The following FBN2 variants were observed in gnomAD, a reference collection of about 807,000 sequenced individuals.
FBN2 encodes fibrillin 2.
FBN2 carries 105 observed loss-of-function variants against 355.6 expected under a neutral mutation model. That is an observed-to-expected ratio of 0.30 (90% CI 0.25 to 0.35). The LOEUF (loss-of-function observed/expected upper bound fraction) is 0.35. Ranked by LOEUF, FBN2 falls within the 10% of genes least tolerant of loss-of-function variation. FBN2 has a pLI of 1.00. For missense variants in FBN2, 3,280 were observed against 3,758.7 expected (o/e 0.87, Z 3.33); for synonymous variants, 1,350 against 1,301.2 (o/e 1.04, Z -0.81).
At chr5:128,523,007 C>A (rs1339733373) in intron 4 of FBN2, among the ~76,000 whole-genome samples, 1 of 152,136 alleles carries the variant, frequency 6.6e-6, no homozygotes, top group Non-Finnish European at 1.5e-5. Flanking sequence ...GGGTTGGTTG[C>A]ATACTGTAAA....
intron 50 of FBN2, 66 bp from the exon 51 acceptor site, chr5:128,290,013 A>G: frequency 1.1e-6 from 1 of 873,850 alleles, no homozygotes; most frequent in Non-Finnish European, 2.0e-6. Flanking sequence ...TTAAGAAAGG[A>G]TGAACAATAT....
intron 19 of FBN2, among the ~76,000 whole-genome samples, 169 bp from the exon 20 acceptor site, chr5:128,357,564 C>T (rs531503310): frequency 5.3e-5 from 8 of 152,276 alleles, no homozygotes; most frequent in Non-Finnish European, 8.8e-5. Context: ...CATTTTACAT[C>T]GTGGATACAC....
chr5:128,274,105 A>G, intron 60 of FBN2, 137 bp from the exon 61 acceptor site: 1 of 909,752 alleles, frequency 1.1e-6, no homozygotes, highest in African/African-American at 1.6e-5. Context: ...TTTATACCAA[A>G]ATTCACTGTC....
intron 45 of FBN2, 42 bp from the exon 46 acceptor site, chr5:128,303,131 GA>G (rs761624349): frequency 7.8e-6 from 9 of 1,153,072 alleles, no homozygotes; most frequent in African/African-American, 4.5e-5. Flanking sequence ...TTTTTAACTA[GA>G]AAAAAATGGG....
chr5:128,450,474 A>T (rs1258187709), intron 6 of FBN2, among the ~76,000 whole-genome samples: 1 of 152,132 alleles, frequency 6.6e-6, no homozygotes, highest in East Asian at 1.9e-4. Flanking sequence ...GAGAAATAGA[A>T]CATATTTTGA....
intron 5 of FBN2, among the ~76,000 whole-genome samples, chr5:128,484,588 A>G (rs1372896156): frequency 6.6e-6 from 1 of 152,230 alleles, no homozygotes; most frequent in Non-Finnish European, 1.5e-5. Flanking sequence ...AACAAAATTA[A>G]AACAACAATG....
chr5:128,279,565 T>A (rs1241546456), intron 56 of FBN2, among the ~76,000 whole-genome samples: 5 of 152,100 alleles, frequency 3.3e-5, no homozygotes, highest in Non-Finnish European at 7.4e-5. Context: ...GAAAAAAATG[T>A]GATATAGTTG....
rs1020058794 is a variant in FBN2, at chr5:128,426,263, C to T, written c.953-17464G>A. Among the ~76,000 whole-genome samples, 7 of 152,310 alleles carry T rather than the reference C, an allele frequency of 4.6e-5. No individual in the cohort carries two copies. The East Asian group carries it at 7.7e-4, about 17-fold the overall frequency. On this transcript the variant is annotated intron_variant, in intron 7 of 64. Transcript: ENST00000262464. ...TACACATCTGGACAATTCTCAAGTG[C>T]GCCCACACACTTCAGAGATCTTGAC...
At chr5:128,423,809 G>A (rs1330177401) in intron 7 of FBN2, among the ~76,000 whole-genome samples, 2 of 152,156 alleles carry the variant, frequency 1.3e-5, no homozygotes, top group Non-Finnish European at 1.5e-5. Flanking sequence ...AAGGATTGCA[G>A]TGGAACATGT....
chr5:128,454,900 T>A (rs775778199), intron 6 of FBN2, among the ~76,000 whole-genome samples: 1 of 152,230 alleles, frequency 6.6e-6, no homozygotes, highest in Non-Finnish European at 1.5e-5. Context: ...AAGCAAGAGA[T>A]GAAATTTCAC....
intron 55 of FBN2, among the ~76,000 whole-genome samples, chr5:128,285,116 T>A (rs1210585260): frequency 6.6e-6 from 1 of 152,224 alleles, no homozygotes; most frequent in African/African-American, 2.4e-5. Flanking sequence ...GTTTATGGTT[T>A]TCATTAAAGA....
intron 2 of FBN2, among the ~76,000 whole-genome samples, chr5:128,534,960 G>C (rs1290321618): frequency 6.6e-6 from 1 of 152,166 alleles, no homozygotes; most frequent in Non-Finnish European, 1.5e-5. Context: ...GATGAGTGAC[G>C]TTAGCTGTTT....
intron 5 of FBN2, among the ~76,000 whole-genome samples, chr5:128,505,700 T>C (rs56294855): frequency 0.025 from 3,680 of 145,286 alleles, 160 homozygotes; most frequent in African/African-American, 0.096. Context: ...TCTAGAATTA[T>C]ATAAAAATAA....
chr5:128,370,091 TAA>T (rs532415165), intron 15 of FBN2, among the ~76,000 whole-genome samples: 106 of 152,304 alleles, frequency 7.0e-4, no homozygotes, highest in Non-Finnish European at 1.3e-3. Context: ...ATGTGACTTC[TAA>T]AACTCTTCCT....
rs1010879140 is a variant in FBN2 at position 128,258,477 on chromosome 5, A to G, written c.*978T>C. 6.6e-6 allele frequency: 1 copy of G among 152,618 alleles called. No homozygotes were observed. Among genetic ancestry groups the G allele is most frequent in the Non-Finnish European group, 1.5e-5 (1 of 68,046 alleles). 9.5% of individuals were successfully genotyped at this position (152,618 alleles called of 1,614,324 possible). The stretch of plus-strand genomic sequence containing the variant: ...TCCTGAAATAACTTGAACATAATAA[A>G]TGCACCATTATTTAAGACAGCACGA... On this transcript the variant is annotated 3_prime_UTR_variant, in exon 65 of 65. Coordinates refer to ENST00000262464, the MANE Select transcript of FBN2 (RefSeq NM_001999.4).
At chr5:128,476,737 T>C (rs1393175809) in intron 5 of FBN2, among the ~76,000 whole-genome samples, 6 of 152,152 alleles carry the variant, frequency 3.9e-5, no homozygotes, top group African/African-American at 9.7e-5. Context: ...TTGTACCATA[T>C]AAACAGAGAA....
At chr5:128,478,127 G>A (rs903080899) in intron 5 of FBN2, among the ~76,000 whole-genome samples, 10 of 152,094 alleles carry the variant, frequency 6.6e-5, no homozygotes, top group African/African-American at 2.2e-4. Context: ...AAATCTTATC[G>A]GCATTTAGCT....
At chr5:128,287,840 G>A (rs1315768329) in intron 53 of FBN2, among the ~76,000 whole-genome samples, 2 of 152,102 alleles carry the variant, frequency 1.3e-5, no homozygotes, top group Non-Finnish European at 2.9e-5. Context: ...AACCAAGTCT[G>A]CTAAAGAAAG....
intron 34 of FBN2, among the ~76,000 whole-genome samples, chr5:128,321,459 G>A (rs961791438): frequency 4.0e-5 from 6 of 151,838 alleles, no homozygotes; most frequent in East Asian, 1.9e-4. Flanking sequence ...CTCACCCTCC[G>A]ACAGGCCCCA....
Sources: gnomAD v4.1 joint callset for allele counts (sites outside exome capture counted in the v4.1 genomes callset) on GRCh38, gnomAD v4.1.1 for gene constraint, MANE v1.5 for transcripts, NCBI Gene and HGNC (gene_info 2026-07-23, HGNC 2026-07-21) for gene names.